TDRKH: variants seen among roughly 807,000 people sequenced by gnomAD.
TDRKH encodes tudor and KH domain containing, also known as tudor and KH domain-containing protein.
A neutral mutation model predicts 61.3 loss-of-function variants in TDRKH; 28 were observed. The observed-to-expected ratio is 0.46, with a 90% CI of 0.34 to 0.63. The LOEUF (loss-of-function observed/expected upper bound fraction) is 0.63. TDRKH is among the 20% of genes least tolerant of loss of function. The pLI, the probability that TDRKH is intolerant of heterozygous loss-of-function variation, is 0.01. For synonymous variants in TDRKH, 219 were observed against 244.4 expected, an observed-to-expected ratio of 0.90 and a Z score of 0.97; for missense variants, 540 against 683.4, an observed-to-expected ratio of 0.79 and a Z score of 2.34.
At chr1:151,769,332 G>T (rs111502158), downstream of TDRKH, 1 of 150,200 alleles carries the variant, frequency 6.7e-6, no homozygotes, top group African/African-American at 2.5e-5. Context: ...CCGGGCGGGG[G>T]CTGCCCCCCA....
intron 6 of TDRKH, among the ~76,000 whole-genome samples, chr1:151,778,422 C>A (rs1649417733): frequency 6.6e-6 from 1 of 152,234 alleles, no homozygotes; most frequent in African/African-American, 2.4e-5. Flanking sequence ...GCACCAAGTT[C>A]TCTCCTACAA....
At chr1:151,782,806 C>T in intron 2 of TDRKH, 93 bp downstream of exon 2, 4 of 1,444,300 alleles carry the variant, frequency 2.8e-6, no homozygotes, top group Non-Finnish European at 3.6e-6. Flanking sequence ...ACAAAACACA[C>T]ACAATACCTG....
At position 151,777,378 on chromosome 1, in the gene TDRKH, G is replaced by A. The variant is rs558194151; in HGVS notation, c.884-779C>T. ...TGAGAATCACTCGAACCTGGGAGGC[G>A]GAGGTTGCAGTGAGCCGAGAATGCA... On this transcript the variant is annotated intron_variant, in intron 6 of 12. Transcript: ENST00000368824. 5.9e-5 allele frequency among the ~76,000 whole-genome samples: 9 copies of A among 152,184 alleles called. No individual in the cohort carries two copies. The South Asian group carries it at 8.3e-4, about 14-fold the overall frequency.
downstream of TDRKH, chr1:151,771,278 C>G: frequency 6.3e-7 from 1 of 1,583,288 alleles, no homozygotes; most frequent in Non-Finnish European, 8.6e-7. Context: ...ATCAGGGGCC[C>G]GGGATGTGAT....
chr1:151,774,560 A>T, intron 12 of TDRKH, 56 bp from the exon 13 acceptor site: 1 of 1,606,292 alleles, frequency 6.2e-7, no homozygotes, highest in Middle Eastern at 1.7e-4. Flanking sequence ...CTAGCAGGCA[A>T]TGCCAGCGAG....
downstream of TDRKH, chr1:151,771,253 G>A (rs1242507916): frequency 6.2e-7 from 1 of 1,604,540 alleles, no homozygotes; most frequent in Admixed American, 1.7e-5. Flanking sequence ...GGGGCTGGAA[G>A]CCTTGACACA....
intron 2 of TDRKH, 51 bp from the exon 3 acceptor site, chr1:151,781,638 G>T (rs2101607545): frequency 6.6e-7 from 1 of 1,514,862 alleles, no homozygotes; most frequent in Non-Finnish European, 9.1e-7. Flanking sequence ...CCCAAAGCTA[G>T]TATAACTACC....
chr1:151,770,374 ATTC>A (rs1648632463), downstream of TDRKH: 1 of 1,409,418 alleles, frequency 7.1e-7, no homozygotes, highest in Non-Finnish European at 9.5e-7. Flanking sequence ...CATTTCAGGG[ATTC>A]TTTTCTTCCC....
rs1252024899 is a variant in TDRKH, at chr1:151,774,277, G to A, written c.*175C>T. 1.6e-6 allele frequency: 1 copy of A among 635,156 alleles called. No individual in the cohort carries two copies. Among genetic ancestry groups the A allele is most frequent in the African/African-American group, 1.8e-5 (1 of 54,232 alleles). The allele number at this position is 635,156 out of a possible 1,614,324, so 39.3% of individuals were successfully genotyped here. On this transcript the variant is annotated 3_prime_UTR_variant, in exon 13 of 13. Coordinates refer to ENST00000368824, the MANE Select transcript of TDRKH (RefSeq NM_001083965.2). ...AAGCTTGAAAGTGCTCAATCTGAGA[G>A]CAAGTTAAGCTGCAGGAAAGCAGCT... is the stretch of plus-strand genomic sequence containing the variant.
chr1:151,782,882 T>C lies in TDRKH; in HGVS notation c.124+17A>G, dbSNP rs1466027193. 6.3e-7 allele frequency: 1 copy of C among 1,588,196 alleles called. No homozygotes were observed. Among genetic ancestry groups the C allele is most frequent in the Non-Finnish European group, 8.6e-7 (1 of 1,169,530 alleles). Reference sequence around the variant, plus strand: ...TGTCTGAACATTTTCACACACACAGTCATAGGGTTCACGTACCTCTGCTTT... The same window carrying C: ...TGTCTGAACATTTTCACACACACAGCCATAGGGTTCACGTACCTCTGCTTT... On this transcript the variant is annotated intron_variant, in intron 2 of 12. Coordinates refer to ENST00000368824, the MANE Select transcript of TDRKH (RefSeq NM_001083965.2).
chr1:151,788,416 G>A (rs181838199), intron 1 of TDRKH, among the ~76,000 whole-genome samples: 6 of 152,162 alleles, frequency 3.9e-5, no homozygotes, highest in Non-Finnish European at 8.8e-5. Context: ...TTGACAGGCA[G>A]GAGTCTTTAG....
At position 151,775,152 on chromosome 1, in the gene TDRKH, C is replaced by T; in HGVS notation, c.1449G>A (p.Gly483=). The T allele has an allele frequency of 1.2e-6, 2 of 1,613,996 alleles. No individual in the cohort carries two copies. Among genetic ancestry groups the T allele is most frequent in the East Asian group, 2.2e-5 (1 of 44,874 alleles). The change falls in exon 11 of 13, where the codon GGG becomes GGA. Residue 483 remains glycine (G), a synonymous_variant. Transcript: ENST00000368824. ...CGTATCCTTTGTGTACTAATTCTAG[C>T]CCAATATCAAGTTTCTGAGAAGAAA... ...DTSNGKKLDI[G]LELVHKGYAI...
At chr1:151,784,752 C>T (rs979227045) in intron 1 of TDRKH, among the ~76,000 whole-genome samples, 8 of 152,106 alleles carry the variant, frequency 5.3e-5, no homozygotes, top group Non-Finnish European at 8.8e-5. Flanking sequence ...GTCTCATTCA[C>T]GGACTGGCTT....
At chr1:151,785,711 C>G (rs941262590) in intron 1 of TDRKH, among the ~76,000 whole-genome samples, 15 of 152,220 alleles carry the variant, frequency 9.9e-5, no homozygotes, top group African/African-American at 3.6e-4. Context: ...TTTAGAAATC[C>G]TTCCCCACTC....
chr1:151,779,648 G>C, intron 4 of TDRKH: 1 of 379,678 alleles, frequency 2.6e-6, no homozygotes, highest in Non-Finnish European at 4.7e-6. Context: ...GCACTGTCTT[G>C]AAAGACTTGA....
chr1:151,775,694 T>C (rs1649096209), intron 9 of TDRKH, 126 bp downstream of exon 9: 3 of 1,486,562 alleles, frequency 2.0e-6, no homozygotes, highest in East Asian at 2.3e-5. Flanking sequence ...CTGCTAGTGC[T>C]GGTGAGGAAA....
chr1:151,778,670 C>G lies in TDRKH; in HGVS notation c.883+15G>C. ...CTATCTTCAATGATTAATGGGCTCC[C>G]TCTTTGTTACATACTTTCAAACATG... On this transcript the variant is annotated intron_variant, in intron 6 of 12. Transcript: ENST00000368824. 1 of 1,609,708 alleles carries G rather than the reference C, an allele frequency of 6.2e-7. No homozygotes were observed. The highest frequency in any genetic ancestry group is 8.5e-7 in the Non-Finnish European group (1 of 1,177,996).
Position 151,781,466 on chromosome 1 carries a change from T to C in TDRKH, c.231+15A>G, listed in dbSNP as rs989126362. The C allele has an allele frequency of 1.3e-5, 21 of 1,608,474 alleles. No homozygotes were observed. The highest frequency in any genetic ancestry group is 2.7e-5 in the African/African-American group (2 of 74,626). On this transcript the variant is annotated intron_variant, in intron 3 of 12. Transcript: ENST00000368824. The stretch of plus-strand genomic sequence containing the variant: ...TCAATCCTTGGGAAAGCAGACTGCC[T>C]ACTCACACACTTACCTGTTTAATAT...
At chr1:151,770,118 G>C (rs574316774), downstream of TDRKH, 10 of 1,552,640 alleles carry the variant, frequency 6.4e-6, no homozygotes, top group African/African-American at 1.4e-5. Context: ...GAGACGGAGA[G>C]GGAGAGGGAG....
Sources: gnomAD v4.1 joint callset for allele counts (sites outside exome capture counted in the v4.1 genomes callset) on GRCh38, gnomAD v4.1.1 for gene constraint, MANE v1.5 for transcripts, NCBI Gene and HGNC (gene_info 2026-07-23, HGNC 2026-07-21) for gene names.